Variants in GRIA1 observed in about 807,000 individuals in gnomAD.
The protein encoded by GRIA1 is glutamate receptor 1.
A neutral mutation model predicts 99.2 loss-of-function variants in GRIA1; 31 were observed. The ratio of observed to expected loss-of-function variants is 0.31; its 90% confidence interval spans 0.23 to 0.42. GRIA1 has a LOEUF of 0.42. Ranked by LOEUF, GRIA1 falls within the 10% of genes least tolerant of loss-of-function variation. The probability of loss-of-function intolerance (pLI) is 1.00; values close to 1 mark genes in which losing one functional copy is unlikely to be tolerated. For synonymous variants in GRIA1, 438 were observed against 432.4 expected (o/e 1.01, Z -0.16); for missense variants, 782 against 1,157.5 (o/e 0.68, Z 4.71).
intron 11 of GRIA1, among the ~76,000 whole-genome samples, chr5:153,751,405 T>G (rs565440660): frequency 1.3e-5 from 2 of 152,352 alleles, no homozygotes; most frequent in East Asian, 3.9e-4. Context: ...ATATTCGCAG[T>G]AGAGATTGAG....
chr5:153,795,722 G>A (rs1765602560), intron 14 of GRIA1: 1 of 566,186 alleles, frequency 1.8e-6, no homozygotes, highest in African/African-American at 1.9e-5. Flanking sequence ...ATGTCCAAGA[G>A]TCCAGGCAGG....
Position 153,637,512 on chromosome 5 carries a change from A to G in GRIA1, c.221-9416A>G, listed in dbSNP as rs141620079. Among the ~76,000 whole-genome samples, 89 of 152,288 alleles carry G rather than the reference A, an allele frequency of 5.8e-4. 1 individual carries two copies. The East Asian group carries it at 0.016, about 27-fold the overall frequency. On this transcript the variant is annotated intron_variant, in intron 2 of 15. Transcript: ENST00000285900. ...CCGGAAAGATCCTCTTCTCATAATA[A>G]CACGTGGGTACACAGTGATGCTAAG... is the stretch of plus-strand genomic sequence containing the variant.
At chr5:153,668,978 G>A (rs1038362813) in intron 5 of GRIA1, among the ~76,000 whole-genome samples, 3 of 152,206 alleles carry the variant, frequency 2.0e-5, no homozygotes, top group Admixed American at 6.5e-5. Flanking sequence ...CATTTGTGAA[G>A]AAGACAGATT....
chr5:153,542,054 T>A (rs1442751121), intron 2 of GRIA1, among the ~76,000 whole-genome samples: 6 of 151,766 alleles, frequency 4.0e-5, no homozygotes, highest in African/African-American at 1.5e-4. Flanking sequence ...TACCTACTTC[T>A]CTTCATCCCA....
intron 8 of GRIA1, among the ~76,000 whole-genome samples, chr5:153,689,687 T>C (rs1757597583): frequency 1.3e-5 from 2 of 152,152 alleles, no homozygotes; most frequent in South Asian, 4.1e-4. Context: ...GTGAGAGACA[T>C]TGGGCTGTGC....
intron 2 of GRIA1, among the ~76,000 whole-genome samples, chr5:153,593,316 C>T (rs1581284623): frequency 6.6e-6 from 1 of 152,124 alleles, no homozygotes; most frequent in East Asian, 1.9e-4. Flanking sequence ...AAGACTCCAT[C>T]TTCTAATCCT....
At chr5:153,608,728 G>T (rs1031539922) in intron 2 of GRIA1, among the ~76,000 whole-genome samples, 6 of 152,068 alleles carry the variant, frequency 3.9e-5, no homozygotes, top group Non-Finnish European at 1.5e-5. Flanking sequence ...GCCCCTGTGG[G>T]TCTATTCCTA....
At chr5:153,708,320 TG>T (rs1203635561) in intron 11 of GRIA1, among the ~76,000 whole-genome samples, 1 of 152,174 alleles carries the variant, frequency 6.6e-6, no homozygotes, top group Non-Finnish European at 1.5e-5. Context: ...GTTACTCAGC[TG>T]GCCCCAGAGG....
At chr5:153,686,133 T>C (rs1757324713) in intron 7 of GRIA1, 92 bp from the exon 8 acceptor site, 4 of 917,938 alleles carry the variant, frequency 4.4e-6, no homozygotes, top group East Asian at 2.4e-5. Flanking sequence ...CATGGAACAC[T>C]CTTGGGTTCT....
intron 11 of GRIA1, among the ~76,000 whole-genome samples, chr5:153,743,597 C>G (rs1157810702): frequency 2.0e-5 from 3 of 152,268 alleles, no homozygotes; most frequent in Non-Finnish European, 4.4e-5. Flanking sequence ...GTGATAGGAC[C>G]CTCCCTCAAA....
intron 15 of GRIA1, among the ~76,000 whole-genome samples, chr5:153,806,997 T>C (rs1766474892): frequency 6.6e-6 from 1 of 152,234 alleles, no homozygotes; most frequent in African/African-American, 2.4e-5. Flanking sequence ...TTCAACCACA[T>C]GGCAACGGAT....
intron 2 of GRIA1, among the ~76,000 whole-genome samples, chr5:153,597,966 C>G (rs569058330): frequency 6.6e-6 from 1 of 152,144 alleles, no homozygotes; most frequent in African/African-American, 2.4e-5. Flanking sequence ...AAGCCATGTT[C>G]ATGCCACTAC....
At chr5:153,806,508 A>G (rs1216257254) in intron 15 of GRIA1, among the ~76,000 whole-genome samples, 1 of 152,128 alleles carries the variant, frequency 6.6e-6, no homozygotes, top group African/African-American at 2.4e-5. Flanking sequence ...TTCGTGATCC[A>G]CTGCCTTGAC....
intron 2 of GRIA1, among the ~76,000 whole-genome samples, chr5:153,604,549 C>T (rs867108222): frequency 6.6e-5 from 10 of 152,194 alleles, no homozygotes; most frequent in Admixed American, 2.0e-4. Context: ...AGAATTGTAG[C>T]GTTGTCAGCC....
chr5:153,569,981 A>G (rs1761974421), intron 2 of GRIA1, among the ~76,000 whole-genome samples: 1 of 152,214 alleles, frequency 6.6e-6, no homozygotes, highest in African/African-American at 2.4e-5. Context: ...TATTCGGTTA[A>G]TAGGCTCAGT....
intron 11 of GRIA1, among the ~76,000 whole-genome samples, chr5:153,723,708 C>T (rs1230901284): frequency 2.0e-5 from 3 of 151,846 alleles, no homozygotes; most frequent in Admixed American, 2.0e-4. Flanking sequence ...CCCGCCATTG[C>T]CCAGGCTTGC....
At chr5:153,585,180 G>A (rs144456138) in intron 2 of GRIA1, among the ~76,000 whole-genome samples, 1 of 151,968 alleles carries the variant, frequency 6.6e-6, no homozygotes, top group South Asian at 2.1e-4. Flanking sequence ...AGTTGGAACA[G>A]CAGGTGCCTT....
chr5:153,606,332 A>G (rs1014579699), intron 2 of GRIA1, among the ~76,000 whole-genome samples: 5 of 152,072 alleles, frequency 3.3e-5, no homozygotes, highest in African/African-American at 1.2e-4. Context: ...GAGCCTTTGT[A>G]TCTGGAACAG....
At chr5:153,540,634 A>C (rs1170124691) in intron 2 of GRIA1, among the ~76,000 whole-genome samples, 1 of 152,194 alleles carries the variant, frequency 6.6e-6, no homozygotes, top group Non-Finnish European at 1.5e-5. Context: ...ACTTGTGACC[A>C]AGATGAACAA....
Sources: allele counts gnomAD v4.1 joint callset (sites outside exome capture counted in the v4.1 genomes callset), GRCh38; gene constraint gnomAD v4.1.1; transcripts MANE v1.5; gene names NCBI Gene and HGNC (gene_info 2026-07-23, HGNC 2026-07-21).